PPP2R3A: variants seen among roughly 807,000 people sequenced by gnomAD.
PPP2R3A encodes the protein protein phosphatase 2 regulatory subunit B''alpha.
Under a neutral mutation model 106.9 loss-of-function variants are expected in PPP2R3A, and 80 were observed. The observed-to-expected ratio is 0.75, with a 90% CI of 0.62 to 0.90. The LOEUF (loss-of-function observed/expected upper bound fraction) is 0.90, where lower values mean the gene tolerates loss of function less well. Among genes scored for constraint, PPP2R3A ranks in the 40% least tolerant of loss-of-function variants. The probability of loss-of-function intolerance (pLI) is 0.00; values close to 1 mark genes in which losing one functional copy is unlikely to be tolerated. For synonymous variants in PPP2R3A, 483 were observed against 468.3 expected, an observed-to-expected ratio of 1.03 and a Z score of -0.41; for missense variants, 1,386 against 1,350.4, an observed-to-expected ratio of 1.03 and a Z score of -0.41.
chr3:136,045,735 A>G (rs1935449248), intron 4 of PPP2R3A, among the ~76,000 whole-genome samples: 1 of 152,176 alleles, frequency 6.6e-6, no homozygotes, highest in Admixed American at 6.5e-5. Flanking sequence ...TACTGCATGA[A>G]CAGACCACCC....
At chr3:136,137,533 G>GTTTTTTTTTTTTTTTTTTTTTTTTT (rs1559941176) in intron 13 of PPP2R3A, among the ~76,000 whole-genome samples, 2 of 38,438 alleles carry the variant, frequency 5.2e-5, no homozygotes, top group African/African-American at 7.5e-5. Context: ...CTCTGTCAGA[G>GTTTTTTTTTTTTTTTTTTTTTTTTT]ATTTTTTTTT....
At chr3:135,993,134 A>G (rs1451649300) in intron 1 of PPP2R3A, among the ~76,000 whole-genome samples, 7 of 152,182 alleles carry the variant, frequency 4.6e-5, no homozygotes, top group African/African-American at 1.7e-4. Flanking sequence ...CTACTCTTCA[A>G]AAGCCACTGC....
At chr3:135,968,298 C>T (rs1396456275) in intron 1 of PPP2R3A, among the ~76,000 whole-genome samples, 4 of 152,088 alleles carry the variant, frequency 2.6e-5, no homozygotes, top group African/African-American at 9.7e-5. Flanking sequence ...GTGTTAATTT[C>T]TGGGAGAAGT....
chr3:136,128,567 G>C (rs61791750), intron 13 of PPP2R3A, among the ~76,000 whole-genome samples: 1 of 152,044 alleles, frequency 6.6e-6, no homozygotes, highest in Non-Finnish European at 1.5e-5. Flanking sequence ...CACAATAATA[G>C]TGGGACACTT....
chr3:136,108,999 C>T (rs559051868), intron 13 of PPP2R3A, among the ~76,000 whole-genome samples: 10 of 151,892 alleles, frequency 6.6e-5, no homozygotes, highest in Non-Finnish European at 1.3e-4. Flanking sequence ...AATAAAAAGC[C>T]GGAAATGAGC....
intron 5 of PPP2R3A, among the ~76,000 whole-genome samples, chr3:136,050,764 C>T (rs1935658497): frequency 6.6e-6 from 1 of 152,082 alleles, no homozygotes; most frequent in Non-Finnish European, 1.5e-5. Flanking sequence ...TGCCATGTTC[C>T]CTTATGCTTT....
chr3:136,125,234 T>G (rs973486299), intron 13 of PPP2R3A, among the ~76,000 whole-genome samples: 1 of 152,136 alleles, frequency 6.6e-6, no homozygotes, highest in Non-Finnish European at 1.5e-5. Context: ...GCAGGAGAAT[T>G]GCTTGAACTC....
chr3:136,037,414 A>G (rs1653298774), intron 3 of PPP2R3A, among the ~76,000 whole-genome samples: 1 of 152,220 alleles, frequency 6.6e-6, no homozygotes, highest in East Asian at 1.9e-4. Context: ...TAAGAAATGC[A>G]TTTTTCAGAG....
At chr3:135,970,926 G>A (rs1937230167) in intron 1 of PPP2R3A, among the ~76,000 whole-genome samples, 1 of 152,124 alleles carries the variant, frequency 6.6e-6, no homozygotes, top group African/African-American at 2.4e-5. Context: ...TGGTGATTAG[G>A]CCACAAGTTT....
intron 1 of PPP2R3A, among the ~76,000 whole-genome samples, chr3:135,975,218 G>GGGTT (rs980762145): frequency 4.6e-5 from 7 of 152,196 alleles, no homozygotes; most frequent in African/African-American, 1.7e-4. Context: ...AGGCAATTGA[G>GGGTT]GGTTCTGTGT....
At chr3:136,053,440 C>T (rs1935750930) in intron 5 of PPP2R3A, among the ~76,000 whole-genome samples, 1 of 152,094 alleles carries the variant, frequency 6.6e-6, no homozygotes, top group African/African-American at 2.4e-5. Context: ...TGTGTGGGCT[C>T]AAGTGGTGAA....
At chr3:136,013,180 GTGTATGTATGTA>G (rs201268370) in intron 2 of PPP2R3A, among the ~76,000 whole-genome samples, 308 of 142,252 alleles carry the variant, frequency 2.2e-3, no homozygotes, top group Middle Eastern at 0.018. Context: ...GTGTGTGTGT[GTGTATGTATGTA>G]TGTATGTATG....
chr3:135,967,047 T>C (rs1422512015), intron 1 of PPP2R3A, among the ~76,000 whole-genome samples: 1 of 152,214 alleles, frequency 6.6e-6, no homozygotes, highest in East Asian at 1.9e-4. Context: ...TTTCTTTCAG[T>C]AGTCCATGAA....
At chr3:136,058,184 C>G (rs901761458) in intron 5 of PPP2R3A, among the ~76,000 whole-genome samples, 2 of 152,100 alleles carry the variant, frequency 1.3e-5, no homozygotes, top group African/African-American at 4.8e-5. Context: ...CTAGTCAGGG[C>G]AGTCAGGCAA....
chr3:136,102,479 T>C (rs1218196849), intron 11 of PPP2R3A, among the ~76,000 whole-genome samples: 1 of 151,752 alleles, frequency 6.6e-6, no homozygotes, highest in Non-Finnish European at 1.5e-5. Flanking sequence ...CCCAAGTAGC[T>C]GGGACTACAG....
intron 7 of PPP2R3A, among the ~76,000 whole-genome samples, chr3:136,081,369 G>T (rs906567371): frequency 6.6e-6 from 1 of 151,902 alleles, no homozygotes; most frequent in African/African-American, 2.4e-5. Flanking sequence ...GTGTATGTTT[G>T]TCCATCTTTT....
At chr3:136,133,827 T>C (rs1264782254) in intron 13 of PPP2R3A, among the ~76,000 whole-genome samples, 2 of 147,576 alleles carry the variant, frequency 1.4e-5, no homozygotes, top group African/African-American at 2.5e-5. Context: ...TTCCACCATA[T>C]GATGGTGAGC....
chr3:136,114,819 T>A (rs1374236502), intron 13 of PPP2R3A, among the ~76,000 whole-genome samples: 1 of 152,130 alleles, frequency 6.6e-6, no homozygotes, highest in Non-Finnish European at 1.5e-5. Context: ...TTCCCTGGGA[T>A]AGAGCATGTG....
At chr3:135,991,827 C>T (rs1176367570) in intron 1 of PPP2R3A, among the ~76,000 whole-genome samples, 1 of 152,152 alleles carries the variant, frequency 6.6e-6, no homozygotes, top group Non-Finnish European at 1.5e-5. Flanking sequence ...TCCTGTTTCT[C>T]CACTGCGGTA....
Sources: allele counts gnomAD v4.1 joint callset (sites outside exome capture counted in the v4.1 genomes callset), GRCh38; gene constraint gnomAD v4.1.1; transcripts MANE v1.5; gene names NCBI Gene and HGNC (gene_info 2026-07-23, HGNC 2026-07-21).